The following LRMDA variants were observed in gnomAD, a reference collection of about 807,000 sequenced individuals.
LRMDA encodes leucine rich melanocyte differentiation associated.
Under a neutral mutation model 29.8 loss-of-function variants are expected in LRMDA, and 18 were observed. That is an observed-to-expected ratio of 0.60 (90% CI 0.42 to 0.90). The LOEUF (loss-of-function observed/expected upper bound fraction) is 0.90, where lower values mean the gene tolerates loss of function less well. Ranked by LOEUF, LRMDA falls within the 40% of genes least tolerant of loss-of-function variation. The probability of loss-of-function intolerance (pLI) is 0.00; values close to 1 mark genes in which losing one functional copy is unlikely to be tolerated. For synonymous variants in LRMDA, 125 were observed against 109.4 expected, an observed-to-expected ratio of 1.14 and a Z score of -0.89; for missense variants, 273 against 273.9, an observed-to-expected ratio of 1.00 and a Z score of 0.02.
chr10:75,711,502 G>A (rs1364477366), intron 2 of LRMDA, among the ~76,000 whole-genome samples: 2 of 152,034 alleles, frequency 1.3e-5, no homozygotes, highest in African/African-American at 4.8e-5. Flanking sequence ...CTCCTTTAAA[G>A]CATAGTCATT....
chr10:76,004,948 C>T (rs1007026523), intron 2 of LRMDA, among the ~76,000 whole-genome samples: 3 of 151,980 alleles, frequency 2.0e-5, no homozygotes, highest in African/African-American at 4.8e-5. Flanking sequence ...AGGATGGTCT[C>T]GATCTCCTGA....
intron 2 of LRMDA, among the ~76,000 whole-genome samples, chr10:75,443,063 C>G (rs1200038344): frequency 2.6e-5 from 4 of 151,826 alleles, no homozygotes; most frequent in Non-Finnish European, 4.4e-5. Flanking sequence ...GATTTTGTAT[C>G]CTGCAACTTT....
At chr10:76,200,860 G>A (rs951135822) in intron 5 of LRMDA, among the ~76,000 whole-genome samples, 1 of 151,036 alleles carries the variant, frequency 6.6e-6, no homozygotes, top group African/African-American at 2.4e-5. Flanking sequence ...TGGGATTACA[G>A]GTGCCTGCCA....
chr10:76,007,035 CGT>C (rs57236389), intron 2 of LRMDA, among the ~76,000 whole-genome samples: 2 of 54,120 alleles, frequency 3.7e-5, no homozygotes, highest in East Asian at 6.7e-4. Context: ...TGTGTGTGCG[CGT>C]GTGTGTTTAT....
At chr10:75,686,933 G>A (rs907865810) in intron 2 of LRMDA, among the ~76,000 whole-genome samples, 1 of 152,084 alleles carries the variant, frequency 6.6e-6, no homozygotes, top group African/African-American at 2.4e-5. Context: ...GCTGATCTGT[G>A]ATCCATGAAC....
At chr10:76,448,164 G>T (rs1393159199) in intron 6 of LRMDA, among the ~76,000 whole-genome samples, 1 of 152,034 alleles carries the variant, frequency 6.6e-6, no homozygotes, top group African/African-American at 2.4e-5. Context: ...TAACATGTCA[G>T]TGTGTTGTCA....
chr10:76,146,667 A>G (rs1014089671), intron 5 of LRMDA, among the ~76,000 whole-genome samples: 5 of 152,052 alleles, frequency 3.3e-5, no homozygotes, highest in African/African-American at 9.7e-5. Flanking sequence ...TTTTAATTGG[A>G]GCTTTTAGCC....
chr10:76,147,885 G>A (rs912694242), intron 5 of LRMDA, among the ~76,000 whole-genome samples: 28 of 152,154 alleles, frequency 1.8e-4, no homozygotes, highest in Admixed American at 1.6e-3. Context: ...CTTTCTGTTT[G>A]TTAGTTTTCC....
chr10:75,511,583 C>T (rs1845226561), intron 2 of LRMDA, among the ~76,000 whole-genome samples: 1 of 152,160 alleles, frequency 6.6e-6, no homozygotes, highest in South Asian at 2.1e-4. Flanking sequence ...GGCATTTCAG[C>T]ACTGTTGTCC....
intron 5 of LRMDA, among the ~76,000 whole-genome samples, chr10:76,162,704 G>A (rs775296135): frequency 2.0e-5 from 3 of 152,136 alleles, no homozygotes; most frequent in African/African-American, 7.2e-5. Context: ...ATCCATCACC[G>A]TGATCCAATA....
intron 6 of LRMDA, among the ~76,000 whole-genome samples, chr10:76,371,705 T>C (rs1424529890): frequency 2.0e-5 from 3 of 152,178 alleles, no homozygotes; most frequent in Non-Finnish European, 4.4e-5. Context: ...TCCTTTATTC[T>C]TCCATATGCT....
At chr10:75,794,581 T>C (rs888199542) in intron 2 of LRMDA, among the ~76,000 whole-genome samples, 1 of 152,226 alleles carries the variant, frequency 6.6e-6, no homozygotes, top group Non-Finnish European at 1.5e-5. Context: ...TTCTACCTAC[T>C]CTACATCCTC....
chr10:75,989,994 G>A (rs1330908765), intron 2 of LRMDA, among the ~76,000 whole-genome samples: 1 of 152,142 alleles, frequency 6.6e-6, no homozygotes, highest in Non-Finnish European at 1.5e-5. Context: ...CTTAGGCCTT[G>A]GGTATAATTA....
At chr10:75,738,904 C>G (rs1245194894) in intron 2 of LRMDA, among the ~76,000 whole-genome samples, 1 of 152,150 alleles carries the variant, frequency 6.6e-6, no homozygotes, top group Non-Finnish European at 1.5e-5. Flanking sequence ...GTCAAACGCT[C>G]TCTTTCTATT....
At chr10:76,292,001 C>T (rs1840347828) in intron 5 of LRMDA, among the ~76,000 whole-genome samples, 1 of 151,984 alleles carries the variant, frequency 6.6e-6, no homozygotes, top group Admixed American at 6.6e-5. Context: ...GAAGACCAGA[C>T]ATATACACAT....
rs141472352 is a variant in LRMDA at position 76,329,201 on chromosome 10, C to T, written c.601+4716C>T. Among the ~76,000 whole-genome samples, 167 of 152,284 alleles carry T rather than the reference C, an allele frequency of 1.1e-3. No individual in the cohort carries two copies. In the Middle Eastern group the frequency reaches 0.031, roughly 28 times the overall value. On this transcript the variant is annotated intron_variant, in intron 6 of 6. Coordinates refer to ENST00000611255, the MANE Select transcript of LRMDA (RefSeq NM_001305581.2). ...GGCTGATTCACTGAAGGCGATTCTC[C>T]GATGTAGTTTTCAGTTCTCCCTCGA...
At chr10:76,028,255 C>A (rs1160687858) in intron 2 of LRMDA, among the ~76,000 whole-genome samples, 4 of 152,052 alleles carry the variant, frequency 2.6e-5, no homozygotes, top group African/African-American at 9.7e-5. Context: ...TTATTATTGA[C>A]AAATTTCCTT....
intron 2 of LRMDA, among the ~76,000 whole-genome samples, chr10:75,766,773 TC>T (rs918444232): frequency 6.6e-6 from 1 of 152,122 alleles, no homozygotes; most frequent in African/African-American, 2.4e-5. Context: ...TAGGTATTTG[TC>T]CTAATGCCCT....
chr10:75,642,137 AG>A (rs1841461844), intron 2 of LRMDA, among the ~76,000 whole-genome samples: 1 of 152,214 alleles, frequency 6.6e-6, no homozygotes, highest in Non-Finnish European at 1.5e-5. Flanking sequence ...ATTCATGAAC[AG>A]GGTGGATCTG....
Sources: allele counts gnomAD v4.1 joint callset (sites outside exome capture counted in the v4.1 genomes callset), GRCh38; gene constraint gnomAD v4.1.1; transcripts MANE v1.5; gene names NCBI Gene and HGNC (gene_info 2026-07-23, HGNC 2026-07-21).